IL17RE: variants seen among roughly 807,000 people sequenced by gnomAD.
IL17RE encodes the protein interleukin 17 receptor E.
IL17RE carries 47 observed loss-of-function variants against 70.7 expected under a neutral mutation model. The observed-to-expected ratio is 0.67, with a 90% CI of 0.53 to 0.85. The LOEUF is 0.85. Among genes scored for constraint, IL17RE ranks in the 40% least tolerant of loss-of-function variants. IL17RE has a pLI of 0.00. For synonymous variants in IL17RE, 372 were observed against 381.2 expected, an observed-to-expected ratio of 0.98 and a Z score of 0.28; for missense variants, 850 against 893.9, an observed-to-expected ratio of 0.95 and a Z score of 0.63.
At position 9,911,464 on chromosome 3, in the gene IL17RE, T is replaced by C. The variant is rs767647560; in HGVS notation, c.1094T>C (p.Val365Ala). The change falls in exon 12 of 16, where the codon GTA becomes GCA. Residue 365 changes from valine to alanine, a missense_variant. Transcript: ENST00000383814. ...HQTGSLTSWN[V>A]SMDTQAQQLI... ...ACAGGGTCTCTCACATCCTGGAATG[T>C]AAGCATGGATACCCAAGCCCAGCAG... The C allele has an allele frequency of 6.2e-7, 1 of 1,614,174 alleles. No homozygotes were observed. Among genetic ancestry groups the C allele is most frequent in the South Asian group, 1.1e-5 (1 of 91,084 alleles).
intron 3 of IL17RE, 101 bp downstream of exon 3, chr3:9,904,252 GT>G: frequency 2.9e-6 from 4 of 1,359,962 alleles, no homozygotes; most frequent in Middle Eastern, 2.4e-4. Context: ...TATTTGTCTT[GT>G]TTTAACCTCA....
chr3:9,913,278 C>A (rs893472798), intron 12 of IL17RE, among the ~76,000 whole-genome samples: 2 of 151,998 alleles, frequency 1.3e-5, no homozygotes, highest in African/African-American at 4.8e-5. Context: ...GTGGCGTGCA[C>A]CTGTAATCCT....
intron 6 of IL17RE, among the ~76,000 whole-genome samples, chr3:9,907,549 C>G (rs919225283): frequency 8.6e-5 from 13 of 152,014 alleles, no homozygotes; most frequent in Non-Finnish European, 1.8e-4. Flanking sequence ...GTATTTACCC[C>G]CAATGAGAGG....
chr3:9,906,874 T>C lies in IL17RE; in HGVS notation c.526+9T>C. On this transcript the variant is annotated intron_variant, in intron 5 of 15. Coordinates refer to ENST00000383814, the MANE Select transcript of IL17RE (RefSeq NM_153480.2). Reference sequence around the variant, plus strand: ...CTCACAAAGGCATGGAGGTGGGCACTGGGTACAACAGGAGATGGGTTCAGC... The same window carrying C: ...CTCACAAAGGCATGGAGGTGGGCACCGGGTACAACAGGAGATGGGTTCAGC... 1.2e-6 allele frequency: 2 copies of C among 1,614,178 alleles called. No individual in the cohort carries two copies. Among genetic ancestry groups the C allele is most frequent in the East Asian group, 4.5e-5 (2 of 44,882 alleles).
chr3:9,914,090 C>T (rs946899469), intron 13 of IL17RE, 66 bp downstream of exon 13: 22 of 1,254,728 alleles, frequency 1.8e-5, no homozygotes, highest in Non-Finnish European at 2.6e-5. Flanking sequence ...GGCACCCACC[C>T]CTGGAAAATC....
Position 9,904,116 on chromosome 3 carries a change from G to A in IL17RE, c.233G>A (p.Arg78His), listed in dbSNP as rs778350863. ...TGTGTGCGAGTCTGGCACTGTTCCC[G>A]CTGTTTGTGCCAGCATCTGCTGTCA... ...PWCVRVWHCSRCLCQHLLSGG... is the reference protein window; with the variant it reads ...PWCVRVWHCSHCLCQHLLSGG... Residue 78 changes from arginine to histidine, a missense_variant, in exon 3 of 16, where the codon CGC becomes CAC. By Grantham distance (29) the Arg-to-His change is conservative (BLOSUM62 0). Coordinates refer to ENST00000383814, the MANE Select transcript of IL17RE (RefSeq NM_153480.2). The A allele has an allele frequency of 6.8e-6, 11 of 1,614,130 alleles. No individual in the cohort carries two copies. Among genetic ancestry groups the A allele is most frequent in the Middle Eastern group, 1.6e-4 (1 of 6,062 alleles).
Position 9,915,564 on chromosome 3 carries a change from G to T in IL17RE, c.1761G>T (p.Pro587=), listed in dbSNP as rs2083027618. The T allele has an allele frequency of 2.8e-6, 4 of 1,409,556 alleles. No homozygotes were observed. Among genetic ancestry groups the T allele is most frequent in the Non-Finnish European group, 3.7e-6 (4 of 1,084,026 alleles). The allele number at this position is 1,409,556 out of a possible 1,614,324, so 87.3% of individuals were successfully genotyped here. The change falls in exon 16 of 16, where the codon CCG becomes CCT. Residue 587 remains proline (P), a synonymous_variant. Coordinates refer to ENST00000383814, the MANE Select transcript of IL17RE (RefSeq NM_153480.2). This position sits in a 1 kb window ranked among gnomAD's most constrained non-coding sequence, Gnocchi z 4.9. ...CCCTGCTCCACGCTGCCCCGCGCCC[G>T]CTGCTGCTGCTCGCTTACTTCAGTC... ...LLALLHAAPR[P]LLLLAYFSRL...
intron 2 of IL17RE, 38 bp from the exon 3 acceptor site, chr3:9,903,994 T>C (rs1286352345): frequency 3.1e-6 from 5 of 1,613,300 alleles, no homozygotes; most frequent in Non-Finnish European, 4.2e-6. Context: ...GGGACCTTCT[T>C]AGACCCTATC....
At position 9,914,383 on chromosome 3, in the gene IL17RE, T is replaced by G; in HGVS notation, c.1297-165T>G. 3.4e-6 allele frequency: 5 copies of G among 1,491,210 alleles called. No homozygotes were observed. The South Asian group carries it at 6.8e-5, about 20-fold the overall frequency. 92.4% of individuals were successfully genotyped at this position (1,491,210 alleles called of 1,614,324 possible). A position where few individuals can be genotyped will look rare whatever the true frequency, so the allele number is the denominator to read the frequency against. ...CCTGTCACACTTGAGTTTGCCACCA[T>G]TGACCTGTTCTGTGCCAGGCTAGCA... On this transcript the variant is annotated intron_variant, in intron 13 of 15. Coordinates refer to ENST00000383814, the MANE Select transcript of IL17RE (RefSeq NM_153480.2).
Position 9,906,849 on chromosome 3 carries a change from C to T in IL17RE, c.510C>T (p.Asp170=). Residue 170 remains aspartate, a synonymous_variant, in exon 5 of 16, where the codon GAC becomes GAT. Coordinates refer to ENST00000383814, the MANE Select transcript of IL17RE (RefSeq NM_153480.2). ...CATGGGAAAGTCTTCCCAGATTGGA[C>T]TCACAAAGGCATGGAGGTGGGCACT... The part of the protein sequence containing the change: ...PETWESLPRL[D]SQRHGGPEFS... 1.2e-6 allele frequency: 2 copies of T among 1,614,198 alleles called. No homozygotes were observed. The highest frequency in any genetic ancestry group is 8.5e-7 in the Non-Finnish European group (1 of 1,180,042).
intron 6 of IL17RE, 114 bp downstream of exon 6, chr3:9,907,214 A>G: frequency 7.5e-7 from 1 of 1,331,176 alleles, no homozygotes. Context: ...ACTGTCCAAG[A>G]CCTCCTTACA....
In IL17RE at chr3:9,915,229, A is replaced by G. The variant is rs903888736; in HGVS notation, c.1448-22A>G. 8 of 1,376,698 alleles carry G rather than the reference A, an allele frequency of 5.8e-6. No individual in the cohort carries two copies. The African/African-American group carries it at 1.2e-4, about 21-fold the overall frequency. The allele number at this position is 1,376,698 out of a possible 1,614,324, so 85.3% of individuals were successfully genotyped here. ...GCAGTCCCTCAGCCGCCCAGCCTTC[A>G]TCTGTTGCTTCCCGCCACCAGGCCC... On this transcript the variant is annotated intron_variant, in intron 15 of 15. Transcript: ENST00000383814. This position sits in a 1 kb window ranked among gnomAD's most constrained non-coding sequence, Gnocchi z 4.9.
intron 11 of IL17RE, 35 bp from the exon 12 acceptor site, chr3:9,911,408 A>G: frequency 1.2e-6 from 2 of 1,612,874 alleles, no homozygotes; most frequent in Non-Finnish European, 1.7e-6. Flanking sequence ...CCCAAAGCCC[A>G]ACTCCTATCA....
chr3:9,903,460 T>C, intron 2 of IL17RE, 48 bp downstream of exon 2: 1 of 1,604,718 alleles, frequency 6.2e-7, no homozygotes, highest in Non-Finnish European at 8.5e-7. Context: ...CCCACTATTT[T>C]TGCAGATGCC....
chr3:9,915,622 C>A lies in IL17RE; in HGVS notation c.1819C>A (p.Leu607Met). 6 of 1,416,414 alleles carry A rather than the reference C, an allele frequency of 4.2e-6. No homozygotes were observed. The highest frequency in any genetic ancestry group is 5.5e-6 in the Non-Finnish European group (6 of 1,089,938). 87.7% of individuals were successfully genotyped at this position (1,416,414 alleles called of 1,614,324 possible). ...LCAKGDIPPP[L>M]RALPRYRLLR... Reference sequence around the variant, plus strand: ...CGCCAAGGGCGACATCCCCCCGCCGCTGCGCGCCCTGCCGCGCTACCGCCT... The same window carrying A: ...CGCCAAGGGCGACATCCCCCCGCCGATGCGCGCCCTGCCGCGCTACCGCCT... The change falls in exon 16 of 16, where the codon CTG (leucine) becomes ATG (methionine). Residue 607 changes from leucine to methionine, a missense_variant. By Grantham distance (15) the Leu-to-Met change is conservative. Coordinates refer to ENST00000383814, the MANE Select transcript of IL17RE (RefSeq NM_153480.2). This position sits in a 1 kb window ranked among gnomAD's most constrained non-coding sequence, Gnocchi z 4.9.
chr3:9,909,405 C>T (rs1168849095), intron 8 of IL17RE, 122 bp downstream of exon 8: 4 of 886,982 alleles, frequency 4.5e-6, no homozygotes, highest in Non-Finnish European at 7.2e-6. Context: ...TGGGGGAAGT[C>T]CCCAGAAGGC....
rs535100728 is a variant in IL17RE at position 9,916,008 on chromosome 3, G to T, written c.*201G>T. ...CCTCTTCCTCCTCATACTTTCCCTT[G>T]ACTGAGAGCTCCTCTAACCCCTGTT... On this transcript the variant is annotated 3_prime_UTR_variant, in exon 16 of 16. Coordinates refer to ENST00000383814, the MANE Select transcript of IL17RE (RefSeq NM_153480.2). 6.5e-6 allele frequency: 6 copies of T among 927,264 alleles called. No homozygotes were observed. The East Asian group carries it at 2.0e-4, about 31-fold the overall frequency. 57.4% of individuals were successfully genotyped at this position (927,264 alleles called of 1,614,324 possible).
chr3:9,915,837 G>C lies in IL17RE; in HGVS notation c.*30G>C. The C allele has an allele frequency of 1.4e-6, 2 of 1,474,960 alleles. No individual in the cohort carries two copies. Among genetic ancestry groups the C allele is most frequent in the South Asian group, 1.4e-5 (1 of 73,298 alleles). The allele number at this position is 1,474,960 out of a possible 1,614,324, so 91.4% of individuals were successfully genotyped here. ...AGCTCCACCGCAGTCCCGGGTGTCT[G>C]CGGCCGCAACGCAACGGACACTGGC... On this transcript the variant is annotated 3_prime_UTR_variant, in exon 16 of 16. Transcript: ENST00000383814. The surrounding 1 kb of genome is among the most constrained non-coding windows in gnomAD (Gnocchi z 4.9).
At position 9,909,209 on chromosome 3, in the gene IL17RE, C is replaced by T. The variant is rs2082831036; in HGVS notation, c.736-8C>T. On this transcript the variant is annotated splice_region_variant and splice_polypyrimidine_tract_variant and intron_variant, in intron 7 of 15. Coordinates refer to ENST00000383814, the MANE Select transcript of IL17RE (RefSeq NM_153480.2). ...TCTGACCCTCCCCACCTGCTCCCGT[C>T]TCTCCAGGCATCCTACCTGCAAGAG... 1 of 1,613,052 alleles carries T rather than the reference C, an allele frequency of 6.2e-7. No individual in the cohort carries two copies. The highest frequency in any genetic ancestry group is 8.5e-7 in the Non-Finnish European group (1 of 1,179,324).
Sources: gnomAD v4.1 joint callset for allele counts (sites outside exome capture counted in the v4.1 genomes callset) on GRCh38, gnomAD v4.1.1 for gene constraint, Gnocchi (gnomAD v3.1) non-coding constraint, MANE v1.5 for transcripts, NCBI Gene and HGNC (gene_info 2026-07-23, HGNC 2026-07-21) for gene names.